NASP: variants seen among roughly 807,000 people sequenced by gnomAD.
NASP encodes the protein nuclear autoantigenic sperm protein, also known as NASP histone chaperone.
NASP carries 24 observed loss-of-function variants against 89.5 expected under a neutral mutation model. That is an observed-to-expected ratio of 0.27 (90% CI 0.19 to 0.38). NASP has a LOEUF of 0.38. Ranked by LOEUF, NASP falls within the 10% of genes least tolerant of loss-of-function variation. The pLI, the probability that NASP is intolerant of heterozygous loss-of-function variation, is 1.00. For synonymous variants in NASP, 306 were observed against 324.7 expected (o/e 0.94, Z 0.62); for missense variants, 848 against 921.4 (o/e 0.92, Z 1.03).
chr1:45,610,573 C>T (rs1046127376), intron 6 of NASP: 1 of 152,168 alleles, frequency 6.6e-6, no homozygotes, highest in Admixed American at 6.5e-5. Context: ...TTGGGCTGTA[C>T]ATTTGCTTCT....
In NASP at chr1:45,607,374, G is replaced by A. The variant is rs759202853; in HGVS notation, c.463G>A (p.Glu155Lys). The change falls in exon 6 of 15, where the codon GAA (glutamate) becomes AAA (lysine). Residue 155 changes from glutamate (E) to lysine (K), a missense_variant. Around this residue, in one of 5 missense-constraint regions of NASP, gnomAD observed 464 missense variants for 469.4 expected, o/e 0.99. Transcript: ENST00000350030. ...EQVYDAMGEK[E>K]EAKKTEDKSL... is the part of the protein sequence containing the mutation. Reference sequence around the variant, plus strand: ...GGTTTATGACGCCATGGGAGAAAAAGAAGAAGCCAAAAAAACAGAAGACAA... The same window carrying A: ...GGTTTATGACGCCATGGGAGAAAAAAAAGAAGCCAAAAAAACAGAAGACAA... 2 of 1,613,946 alleles carry A rather than the reference G, an allele frequency of 1.2e-6. No homozygotes were observed. Among genetic ancestry groups the A allele is most frequent in the East Asian group, 2.2e-5 (1 of 44,886 alleles).
rs1553169239 is a variant in NASP, at chr1:45,587,661, C to CATATAT, written c.59+3478_59+3483dup. The stretch of plus-strand genomic sequence containing the variant: ...CTATGAGGTTTGTCTTGAGTTTTTT[C>CATATAT]ATATATATATATATATATATATATA... On this transcript the variant is annotated intron_variant, in intron 1 of 14. Coordinates refer to ENST00000350030, the MANE Select transcript of NASP (RefSeq NM_002482.4). 2.8e-3 allele frequency among the ~76,000 whole-genome samples: 18 copies of CATATAT among 6,386 alleles called. 2 individuals carry two copies. Among genetic ancestry groups the CATATAT allele is most frequent in the African/African-American group, 4.4e-3 (6 of 1,378 alleles). The allele number at this position is 6,386 out of a possible 152,430, so 4.2% of individuals were successfully genotyped here. A position where few individuals can be genotyped will look rare whatever the true frequency, so the allele number is the denominator to read the frequency against.
chr1:45,594,340 C>CA (rs1171131235), intron 2 of NASP, among the ~76,000 whole-genome samples: 4 of 150,554 alleles, frequency 2.7e-5, no homozygotes, highest in Admixed American at 1.3e-4. Context: ...AAAAAACAAA[C>CA]AACAACAAAA....
chr1:45,616,906 G>A (rs1224691027), intron 13 of NASP, among the ~76,000 whole-genome samples: 4 of 152,214 alleles, frequency 2.6e-5, no homozygotes, highest in African/African-American at 4.8e-5. Flanking sequence ...GTGCAGTGGC[G>A]CAGTCTCGGC....
intron 1 of NASP, chr1:45,588,643 C>G (rs1351735053): frequency 2.2e-6 from 1 of 452,422 alleles, no homozygotes; most frequent in Admixed American, 2.4e-5. Flanking sequence ...TTTTTTGTTT[C>G]TCTTAAGAAT....
intron 2 of NASP, among the ~76,000 whole-genome samples, chr1:45,595,859 A>G (rs1032244201): frequency 6.6e-6 from 1 of 152,276 alleles, no homozygotes; most frequent in Non-Finnish European, 1.5e-5. Context: ...GCGCTTCAGC[A>G]TATCAAAAGT....
At chr1:45,616,278 A>C in intron 11 of NASP, 59 bp from the exon 12 acceptor site, 2 of 1,486,354 alleles carry the variant, frequency 1.3e-6, no homozygotes, top group Non-Finnish European at 1.9e-6. Flanking sequence ...TCCTGTTACA[A>C]GGCTGTGGGC....
chr1:45,609,593 C>T (rs536090672), intron 6 of NASP: 1 of 152,344 alleles, frequency 6.6e-6, no homozygotes, highest in African/African-American at 2.4e-5. Flanking sequence ...GCTCTGCTGG[C>T]TGACCCCTAA....
At chr1:45,614,508 C>T in intron 9 of NASP, 142 bp downstream of exon 9, 2 of 683,704 alleles carry the variant, frequency 2.9e-6, no homozygotes, top group Non-Finnish European at 5.1e-6. Context: ...ACAGTCTCTT[C>T]CAAGTGGCAC....
In NASP at chr1:45,617,498, T is replaced by C. The variant is rs1219242973; in HGVS notation, c.2193T>C (p.Asp731=). The C allele has an allele frequency of 2.5e-6, 4 of 1,613,746 alleles. No individual in the cohort carries two copies. The highest frequency in any genetic ancestry group is 1.7e-4 in the Middle Eastern group (1 of 5,992). ...AGGAAGAGAGTCCCCGGAAAGATGATGCAAAGAAAGCCAAACAAGAGCCGG... is the reference window on the plus strand; with the variant it reads ...AGGAAGAGAGTCCCCGGAAAGATGACGCAAAGAAAGCCAAACAAGAGCCGG... The part of the protein sequence containing the change: ...KPEEESPRKD[D]AKKAKQEPEV... Residue 731 remains aspartate (D), a synonymous_variant, in exon 14 of 15, where the codon GAT becomes GAC. Coordinates refer to ENST00000350030, the MANE Select transcript of NASP (RefSeq NM_002482.4).
At chr1:45,617,898 CAG>C (rs1644134560) in intron 14 of NASP, among the ~76,000 whole-genome samples, 161 bp from the exon 15 acceptor site, 1 of 152,232 alleles carries the variant, frequency 6.6e-6, no homozygotes, top group Admixed American at 6.5e-5. Flanking sequence ...CCCATTATCA[CAG>C]AGTATTCAAG....
intron 2 of NASP, among the ~76,000 whole-genome samples, chr1:45,592,144 C>G (rs1261975883): frequency 6.6e-6 from 1 of 152,276 alleles, no homozygotes; most frequent in South Asian, 2.1e-4. Context: ...GCCACTACAC[C>G]CAGCTAATTT....
intron 1 of NASP, among the ~76,000 whole-genome samples, chr1:45,589,696 T>C (rs1174079932): frequency 6.6e-6 from 1 of 152,014 alleles, no homozygotes; most frequent in African/African-American, 2.4e-5. Flanking sequence ...GGTCAGGAGC[T>C]CGAGACCAGA....
intron 2 of NASP, among the ~76,000 whole-genome samples, chr1:45,598,912 A>T (rs1207671759): frequency 6.6e-6 from 1 of 152,188 alleles, no homozygotes; most frequent in Admixed American, 6.5e-5. Flanking sequence ...TAAAATTTCT[A>T]CATAGTCCAT....
chr1:45,589,107 C>T (rs946442443), intron 1 of NASP, among the ~76,000 whole-genome samples: 13 of 152,104 alleles, frequency 8.5e-5, no homozygotes, highest in Admixed American at 5.2e-4. Context: ...TAGAATCTGT[C>T]AATATCCTAT....
intron 6 of NASP, chr1:45,610,322 T>C (rs1643984276): frequency 6.6e-6 from 1 of 152,182 alleles, no homozygotes; most frequent in Non-Finnish European, 1.5e-5. Flanking sequence ...GTAAAGACAA[T>C]ACAGTTTTCC....
chr1:45,612,107 T>C (rs1204596112), intron 6 of NASP: 1 of 151,746 alleles, frequency 6.6e-6, no homozygotes, highest in Non-Finnish European at 1.5e-5. Flanking sequence ...TCTCCTGACC[T>C]CGTGATCCGC....
chr1:45,600,583 A>G, intron 2 of NASP: 1 of 591,226 alleles, frequency 1.7e-6, no homozygotes, highest in Non-Finnish European at 2.3e-6. Flanking sequence ...TGATGTAGAT[A>G]TATCACAATT....
In NASP at chr1:45,616,749, C is replaced by T. The variant is rs776369337; in HGVS notation, c.2157+46C>T. ...TCTTTTCTACCGTTTCCTCAGACTC[C>T]ATTTTTAATCCCTTTCCTATAAACC... On this transcript the variant is annotated intron_variant, in intron 13 of 14. Coordinates refer to ENST00000350030, the MANE Select transcript of NASP (RefSeq NM_002482.4). The T allele has an allele frequency of 3.9e-6, 6 of 1,542,258 alleles. No individual in the cohort carries two copies. The Admixed American group carries it at 1.0e-4, about 26-fold the overall frequency.
Sources: gnomAD v4.1 joint callset for allele counts (sites outside exome capture counted in the v4.1 genomes callset) on GRCh38, gnomAD v4.1.1 for gene constraint, gnomAD v4.1.1 regional missense constraint, MANE v1.5 for transcripts, NCBI Gene and HGNC (gene_info 2026-07-23, HGNC 2026-07-21) for gene names.